PREX2: variants seen among roughly 807,000 people sequenced by gnomAD.
The protein encoded by PREX2 is phosphatidylinositol 3,4,5-trisphosphate-dependent Rac exchanger 2 protein.
PREX2 carries 107 observed loss-of-function variants against 203.2 expected under a neutral mutation model. The ratio of observed to expected loss-of-function variants is 0.53; its 90% confidence interval spans 0.45 to 0.62. The LOEUF is 0.62. PREX2 is among the 20% of genes least tolerant of loss of function. The pLI, the probability that PREX2 is intolerant of heterozygous loss-of-function variation, is 0.00. For synonymous variants in PREX2, 672 were observed against 663.6 expected (o/e 1.01, Z -0.19); for missense variants, 1,777 against 1,955.9 (o/e 0.91, Z 1.72).
intron 35 of PREX2, among the ~76,000 whole-genome samples, chr8:68,181,283 C>T (rs1163477839): frequency 6.6e-6 from 1 of 152,116 alleles, no homozygotes; most frequent in African/African-American, 2.4e-5. Context: ...ATATATTTCT[C>T]TTACGGTATT....
At chr8:68,005,246 C>A (rs1807059473) in intron 1 of PREX2, among the ~76,000 whole-genome samples, 1 of 152,178 alleles carries the variant, frequency 6.6e-6, no homozygotes, top group African/African-American at 2.4e-5. Flanking sequence ...AATCCATGAA[C>A]AAACCCTGCC....
intron 35 of PREX2, among the ~76,000 whole-genome samples, chr8:68,172,995 A>G (rs1314877027): frequency 6.6e-6 from 1 of 152,172 alleles, no homozygotes; most frequent in Non-Finnish European, 1.5e-5. Context: ...GAATTAATCA[A>G]TCACTCTCTT....
chr8:68,084,026 TG>T (rs1380746278), intron 18 of PREX2, among the ~76,000 whole-genome samples: 1 of 152,206 alleles, frequency 6.6e-6, no homozygotes, highest in Admixed American at 6.5e-5. Context: ...TTTAAAGTAT[TG>T]GTACACATAT....
intron 11 of PREX2, among the ~76,000 whole-genome samples, chr8:68,064,871 A>G (rs139031780): frequency 4.8e-4 from 73 of 152,328 alleles, no homozygotes; most frequent in Admixed American, 8.5e-4. Flanking sequence ...GGGAATATTT[A>G]TACAACAGAA....
intron 33 of PREX2, 46 bp from the exon 34 acceptor site, chr8:68,146,163 C>A: frequency 2.2e-6 from 3 of 1,350,760 alleles, no homozygotes; most frequent in Non-Finnish European, 3.1e-6. Flanking sequence ...TACCATCTAG[C>A]ATATCCTTAT....
intron 1 of PREX2, among the ~76,000 whole-genome samples, chr8:67,994,500 T>C (rs978975802): frequency 1.3e-5 from 2 of 152,218 alleles, no homozygotes; most frequent in Non-Finnish European, 2.9e-5. Flanking sequence ...CTTAAATAGA[T>C]TCCTTGTACT....
intron 38 of PREX2, chr8:68,220,468 T>C (rs1267181448): frequency 6.6e-6 from 1 of 152,170 alleles, no homozygotes; most frequent in Non-Finnish European, 1.5e-5. Flanking sequence ...TAATAAAAAC[T>C]GGGATTCCAA....
intron 35 of PREX2, among the ~76,000 whole-genome samples, chr8:68,167,211 T>G (rs1184926270): frequency 1.3e-5 from 2 of 152,188 alleles, no homozygotes; most frequent in Non-Finnish European, 2.9e-5. Flanking sequence ...TGATGTCTTA[T>G]TCCCACCTCC....
At chr8:68,105,604 C>A in intron 23 of PREX2, 2 of 1,081,248 alleles carry the variant, frequency 1.8e-6, no homozygotes, top group Non-Finnish European at 2.3e-6. Context: ...CTGGCTTTTA[C>A]GTGCATTATA....
At chr8:68,196,863 A>C (rs1294470343) in intron 37 of PREX2, among the ~76,000 whole-genome samples, 1 of 152,086 alleles carries the variant, frequency 6.6e-6, no homozygotes, top group Non-Finnish European at 1.5e-5. Context: ...CTACAGAACC[A>C]TGTGCCAATT....
At position 68,069,865 on chromosome 8, in the gene PREX2, CT is replaced by C. The variant is rs748540829; in HGVS notation, c.1479del (p.Phe493LeufsTer4). ...AAGATTATATTGTCGTCTTCATAGC[CT>C]TTTTACTCCAGTGATAAGGTGAGTC... ...GVRLYCRLHS[L>X]FTPVIRDKDY... On this transcript the variant is annotated frameshift_variant, in exon 13 of 40. Coordinates refer to ENST00000288368, the MANE Select transcript of PREX2 (RefSeq NM_024870.4). LOFTEE classifies it high-confidence loss of function. 3 of 1,553,342 alleles carry C rather than the reference CT, an allele frequency of 1.9e-6. No individual in the cohort carries two copies. Among genetic ancestry groups the C allele is most frequent in the Non-Finnish European group, 2.6e-6 (3 of 1,134,696 alleles).
At chr8:68,096,995 G>A in intron 21 of PREX2, 22 bp from the exon 22 acceptor site, 1 of 1,596,078 alleles carries the variant, frequency 6.3e-7, no homozygotes, top group Middle Eastern at 1.7e-4. Context: ...AATTTACTGA[G>A]TTACAGTTGT....
intron 37 of PREX2, among the ~76,000 whole-genome samples, chr8:68,212,022 T>A (rs140479178): frequency 6.0e-4 from 92 of 152,308 alleles, no homozygotes; most frequent in Non-Finnish European, 9.7e-4. Context: ...TTGTTTCATG[T>A]CAACCAGAGA....
chr8:68,189,530 C>T (rs1459932867), intron 35 of PREX2, among the ~76,000 whole-genome samples: 2 of 152,204 alleles, frequency 1.3e-5, no homozygotes, highest in African/African-American at 4.8e-5. Context: ...AATGATGTCT[C>T]AAATGAGACC....
At chr8:68,019,174 A>G (rs1807490913) in intron 2 of PREX2, among the ~76,000 whole-genome samples, 1 of 152,192 alleles carries the variant, frequency 6.6e-6, no homozygotes, top group Admixed American at 6.5e-5. Flanking sequence ...TTACTTCTAC[A>G]TGTGGCACCT....
Position 68,232,461 on chromosome 8 carries a change from T to C in PREX2, c.*1083T>C, listed in dbSNP as rs539461893. The C allele has an allele frequency of 1.3e-5, 2 of 152,204 alleles. No homozygotes were observed. Among genetic ancestry groups the C allele is most frequent in the Non-Finnish European group, 2.9e-5 (2 of 68,034 alleles). The allele number at this position is 152,204 out of a possible 1,614,324, so 9.4% of individuals were successfully genotyped here. A position where few individuals can be genotyped will look rare whatever the true frequency, so the allele number is the denominator to read the frequency against. ...GTAATGTTTATCATTTCTACATTGA[T>C]GCAATAACATTGTTTTTAGCATAGT... On this transcript the variant is annotated 3_prime_UTR_variant, in exon 40 of 40. Transcript: ENST00000288368.
chr8:68,217,933 G>A (rs983519366), intron 38 of PREX2, among the ~76,000 whole-genome samples: 2 of 152,244 alleles, frequency 1.3e-5, no homozygotes, highest in African/African-American at 4.8e-5. Flanking sequence ...TGGAAAAAGG[G>A]AAGTCTACGG....
intron 1 of PREX2, among the ~76,000 whole-genome samples, chr8:67,987,383 C>T (rs1806465514): frequency 6.6e-6 from 1 of 152,106 alleles, no homozygotes; most frequent in Non-Finnish European, 1.5e-5. Context: ...GTCTGGTCAC[C>T]TTTAGAATAA....
chr8:68,152,522 C>T (rs920947427), intron 34 of PREX2, among the ~76,000 whole-genome samples: 7 of 152,002 alleles, frequency 4.6e-5, no homozygotes, highest in Non-Finnish European at 8.8e-5. Flanking sequence ...GGAGGTTTCA[C>T]GACGACTCAA....
Sources: gnomAD v4.1 joint callset for allele counts (sites outside exome capture counted in the v4.1 genomes callset) on GRCh38, gnomAD v4.1.1 for gene constraint, MANE v1.5 for transcripts, NCBI Gene and HGNC (gene_info 2026-07-23, HGNC 2026-07-21) for gene names.